The following TMTC2 variants were observed in gnomAD, a reference collection of about 807,000 sequenced individuals.
TMTC2 encodes protein O-mannosyl-transferase TMTC2.
A neutral mutation model predicts 82.4 loss-of-function variants in TMTC2; 43 were observed. The ratio of observed to expected loss-of-function variants is 0.52; its 90% CI spans 0.41 to 0.67. The LOEUF (loss-of-function observed/expected upper bound fraction) is 0.67, where lower values mean the gene tolerates loss of function less well. Among genes scored for constraint, TMTC2 ranks in the 30% least tolerant of loss-of-function variants. TMTC2 has a pLI of 0.00. For synonymous variants in TMTC2, 408 were observed against 381.9 expected (o/e 1.07, Z -0.80); for missense variants, 919 against 1,012.4 (o/e 0.91, Z 1.25).
chr12:82,858,986 G>T (rs1257202346), intron 2 of TMTC2, among the ~76,000 whole-genome samples: 2 of 152,086 alleles, frequency 1.3e-5, no homozygotes, highest in East Asian at 3.8e-4. Flanking sequence ...TTGTCCTTAG[G>T]GAGGTTATGA....
intron 1 of TMTC2, among the ~76,000 whole-genome samples, chr12:82,847,127 G>A (rs571146494): frequency 6.6e-6 from 1 of 152,236 alleles, no homozygotes; most frequent in African/African-American, 2.4e-5. Context: ...TATTAGCCAA[G>A]TATTTGCATA....
At chr12:82,966,387 A>G (rs967454004) in intron 6 of TMTC2, among the ~76,000 whole-genome samples, 2 of 151,882 alleles carry the variant, frequency 1.3e-5, no homozygotes, top group African/African-American at 4.8e-5. Context: ...TCCCCTTCAA[A>G]CTGCTTTCCC....
chr12:82,936,118 C>G (rs377754817), intron 4 of TMTC2, among the ~76,000 whole-genome samples: 2 of 151,736 alleles, frequency 1.3e-5, no homozygotes, highest in African/African-American at 4.8e-5. Context: ...GAAAATCATA[C>G]GAATATATAT....
chr12:83,037,114 C>T (rs1323277023), intron 9 of TMTC2, among the ~76,000 whole-genome samples: 3 of 152,160 alleles, frequency 2.0e-5, no homozygotes, highest in African/African-American at 7.2e-5. Context: ...TTGGTAGGAA[C>T]AGGCAAACCA....
intron 11 of TMTC2, among the ~76,000 whole-genome samples, chr12:83,075,316 G>C (rs550790778): frequency 2.6e-5 from 4 of 152,240 alleles, no homozygotes; most frequent in South Asian, 4.1e-4. Flanking sequence ...AGTTGATCTG[G>C]AGCTAAAATT....
At chr12:83,052,128 A>G (rs1220634438) in intron 10 of TMTC2, among the ~76,000 whole-genome samples, 2 of 152,094 alleles carry the variant, frequency 1.3e-5, no homozygotes, top group Non-Finnish European at 2.9e-5. Context: ...TTATAATTAC[A>G]TAGATTACTC....
intron 9 of TMTC2, among the ~76,000 whole-genome samples, chr12:83,049,535 TACC>T (rs1202093839): frequency 6.6e-6 from 1 of 152,220 alleles, no homozygotes; most frequent in Non-Finnish European, 1.5e-5. Flanking sequence ...GGTGTGTGTA[TACC>T]ACATTTTCTT....
intron 1 of TMTC2, among the ~76,000 whole-genome samples, chr12:82,805,497 C>CTTTTTTTT (rs753878105): frequency 2.2e-5 from 2 of 90,564 alleles, no homozygotes; most frequent in African/African-American, 4.8e-5. Flanking sequence ...CCTCTCCCCA[C>CTTTTTTTT]TTTTTTTTTT....
chr12:82,764,502 C>T (rs1415662463), intron 1 of TMTC2, among the ~76,000 whole-genome samples: 1 of 152,010 alleles, frequency 6.6e-6, no homozygotes, highest in Non-Finnish European at 1.5e-5. Flanking sequence ...ATGACTTTGC[C>T]TCTGCTCTCT....
rs529301875 is a variant in TMTC2 at position 83,054,540 on chromosome 12, AT to A, written c.2267+3523del. Among the ~76,000 whole-genome samples the A allele has an allele frequency of 2.5e-3, 381 of 151,602 alleles. 2 individuals are homozygous for A. The highest frequency in any genetic ancestry group is 8.9e-3 in the African/African-American group (369 of 41,438). On this transcript the variant is annotated intron_variant, in intron 10 of 11. Transcript: ENST00000321196. ...AGTAATTACACTTGTAATTATATAT[AT>A]GTTTGTATAGTTCCACATACTATAT...
chr12:82,721,065 T>C (rs1283949475), intron 1 of TMTC2, among the ~76,000 whole-genome samples: 1 of 152,234 alleles, frequency 6.6e-6, no homozygotes, highest in African/African-American at 2.4e-5. Flanking sequence ...TAAGTGGTTC[T>C]GATACACATT....
chr12:82,793,497 A>T (rs1029752557), intron 1 of TMTC2, among the ~76,000 whole-genome samples: 1 of 152,062 alleles, frequency 6.6e-6, no homozygotes, highest in Non-Finnish European at 1.5e-5. Flanking sequence ...GACAAGATGC[A>T]AATGTAATAT....
chr12:83,097,233 C>G (rs188513345), intron 11 of TMTC2, among the ~76,000 whole-genome samples: 1 of 152,234 alleles, frequency 6.6e-6, no homozygotes, highest in East Asian at 1.9e-4. Flanking sequence ...CATCTGTGTC[C>G]TGAAAAGGAT....
chr12:82,818,207 A>C (rs189588677), intron 1 of TMTC2, among the ~76,000 whole-genome samples: 1 of 152,098 alleles, frequency 6.6e-6, no homozygotes, highest in Non-Finnish European at 1.5e-5. Flanking sequence ...GACTGGCTAT[A>C]TATATTTTTA....
chr12:82,932,152 AT>A (rs1778288132), intron 4 of TMTC2, among the ~76,000 whole-genome samples: 2 of 152,328 alleles, frequency 1.3e-5, no homozygotes, highest in South Asian at 2.1e-4. Flanking sequence ...ACTTAAAAAA[AT>A]AACTAAAAAT....
At chr12:83,081,023 A>G (rs1189992509) in intron 11 of TMTC2, among the ~76,000 whole-genome samples, 3 of 152,224 alleles carry the variant, frequency 2.0e-5, no homozygotes, top group Admixed American at 6.5e-5. Context: ...TGTGGTCCCT[A>G]TCCTCTCAGA....
intron 8 of TMTC2, among the ~76,000 whole-genome samples, chr12:83,016,103 A>G (rs1880666035): frequency 6.6e-6 from 1 of 152,202 alleles, no homozygotes; most frequent in African/African-American, 2.4e-5. Context: ...AGGAAGTAGA[A>G]ATCTGATAAA....
chr12:82,697,249 C>T (rs1872852571), intron 1 of TMTC2, among the ~76,000 whole-genome samples: 2 of 145,530 alleles, frequency 1.4e-5, no homozygotes, highest in South Asian at 4.3e-4. Flanking sequence ...GAGGCTGAGG[C>T]AGGGGAATTG....
chr12:83,020,461 A>G (rs1880866939), intron 8 of TMTC2, among the ~76,000 whole-genome samples: 1 of 152,244 alleles, frequency 6.6e-6, no homozygotes. Flanking sequence ...CATAATTTAA[A>G]AATGAAATTT....
Sources: allele counts gnomAD v4.1 joint callset (sites outside exome capture counted in the v4.1 genomes callset), GRCh38; gene constraint gnomAD v4.1.1; transcripts MANE v1.5; gene names NCBI Gene and HGNC (gene_info 2026-07-23, HGNC 2026-07-21).